Variants in RALGPS1 observed in about 807,000 individuals in gnomAD.
RALGPS1 encodes ras-specific guanine nucleotide-releasing factor RalGPS1.
In RALGPS1, 19 loss-of-function variants were observed where a neutral mutation model predicts 78.8. The ratio of observed to expected loss-of-function variants is 0.24; its 90% CI spans 0.17 to 0.35. The LOEUF (loss-of-function observed/expected upper bound fraction) is 0.35, where lower values mean the gene tolerates loss of function less well. RALGPS1 is among the 10% of genes least tolerant of loss of function. The pLI is 1.00. For missense variants in RALGPS1, 454 were observed against 688.3 expected, an observed-to-expected ratio of 0.66 and a Z score of 3.81; for synonymous variants, 228 against 256.3, an observed-to-expected ratio of 0.89 and a Z score of 1.06.
intron 8 of RALGPS1, chr9:127,092,045 G>T: frequency 7.0e-7 from 1 of 1,421,822 alleles, no homozygotes; most frequent in Non-Finnish European, 9.6e-7. Context: ...TGGGAAACAA[G>T]CAGAGCATGA....
At chr9:127,159,172 C>CA (rs887432235) in intron 8 of RALGPS1, among the ~76,000 whole-genome samples, 4 of 152,128 alleles carry the variant, frequency 2.6e-5, no homozygotes, top group African/African-American at 4.8e-5. Context: ...CTCCTCATGC[C>CA]CCTTCTTACT....
rs779062206 is a variant in RALGPS1, at chr9:127,220,050, A to T, written c.*1281A>T. ...TATCTGTCACCTTGTGTCACATTTT[A>T]AAGTGACTTTTATTTTGCACAAATA... On this transcript the variant is annotated 3_prime_UTR_variant, in exon 19 of 19. Transcript: ENST00000259351. 1 of 152,694 alleles carries T rather than the reference A, an allele frequency of 6.5e-6. No homozygotes were observed. The highest frequency in any genetic ancestry group is 1.5e-5 in the Non-Finnish European group (1 of 68,044). The allele number at this position is 152,694 out of a possible 1,614,324, so 9.5% of individuals were successfully genotyped here.
At chr9:127,040,314 T>C (rs2047184339) in intron 5 of RALGPS1, among the ~76,000 whole-genome samples, 1 of 151,990 alleles carries the variant, frequency 6.6e-6, no homozygotes, top group Non-Finnish European at 1.5e-5. Context: ...GGCAGGAGAA[T>C]CACTTGCACT....
intron 1 of RALGPS1, among the ~76,000 whole-genome samples, chr9:126,921,451 G>A (rs1317852770): frequency 6.6e-6 from 1 of 152,214 alleles, no homozygotes; most frequent in Non-Finnish European, 1.5e-5. Context: ...TCTCCCCAAG[G>A]AGAGGCATGA....
At chr9:127,195,255 C>A (rs1425657229) in intron 12 of RALGPS1, 38 bp downstream of exon 12, 8 of 1,599,956 alleles carry the variant, frequency 5.0e-6, no homozygotes, top group Middle Eastern at 1.6e-4. Context: ...GGGCTTCAGA[C>A]CGTCCTGCAC....
intron 4 of RALGPS1, among the ~76,000 whole-genome samples, chr9:127,024,424 G>A (rs576146607): frequency 2.7e-5 from 4 of 149,528 alleles, no homozygotes; most frequent in South Asian, 4.6e-4. Context: ...TCTTGTGACC[G>A]CTCACTTCCT....
chr9:127,221,467 C>T lies in RALGPS1; in HGVS notation c.*2698C>T, dbSNP rs1281993820. The stretch of plus-strand genomic sequence containing the variant: ...GCTGGTAACATTGTTGTCTCAAGAA[C>T]AACTCACCTCTCTCCCTAGGACTAA... On this transcript the variant is annotated 3_prime_UTR_variant, in exon 19 of 19. Transcript: ENST00000259351. 1.3e-5 allele frequency: 2 copies of T among 152,136 alleles called. No individual in the cohort carries two copies. Among genetic ancestry groups the T allele is most frequent in the African/African-American group, 4.8e-5 (2 of 41,422 alleles). The allele number at this position is 152,136 out of a possible 1,614,324, so 9.4% of individuals were successfully genotyped here. A position where few individuals can be genotyped will look rare whatever the true frequency, so the allele number is the denominator to read the frequency against.
intron 1 of RALGPS1, among the ~76,000 whole-genome samples, chr9:126,952,081 A>G (rs1484286168): frequency 2.0e-5 from 3 of 152,240 alleles, no homozygotes; most frequent in Admixed American, 2.0e-4. Flanking sequence ...TTCAAAGAGA[A>G]TAAAGTACTT....
rs1160349848 is a variant in RALGPS1, at chr9:127,220,629, C to T, written c.*1860C>T. 1 of 152,222 alleles carries T rather than the reference C, an allele frequency of 6.6e-6. No individual in the cohort carries two copies. 9.4% of individuals were successfully genotyped at this position (152,222 alleles called of 1,614,324 possible). On this transcript the variant is annotated 3_prime_UTR_variant, in exon 19 of 19. Coordinates refer to ENST00000259351, the MANE Select transcript of RALGPS1 (RefSeq NM_014636.3). ...AAATCAGCATCTAGAGGCTGAATGA[C>T]AATGCCAAACACTCCACCTCTGATC...
intron 7 of RALGPS1, among the ~76,000 whole-genome samples, chr9:127,059,979 A>G (rs2049062544): frequency 6.6e-6 from 1 of 152,222 alleles, no homozygotes. Context: ...AAGCTAAATT[A>G]GAAGCCAAGA....
At chr9:127,023,760 G>A (rs1016986312) in intron 4 of RALGPS1, among the ~76,000 whole-genome samples, 1 of 152,204 alleles carries the variant, frequency 6.6e-6, no homozygotes. Flanking sequence ...ACAGGGCTGG[G>A]CGCGGTGGCT....
chr9:127,210,046 G>A (rs969636062), intron 14 of RALGPS1, among the ~76,000 whole-genome samples: 5 of 152,202 alleles, frequency 3.3e-5, no homozygotes, highest in Admixed American at 6.5e-5. Flanking sequence ...GTGCCTCCCC[G>A]CGAAGAGGCT....
intron 11 of RALGPS1, among the ~76,000 whole-genome samples, chr9:127,185,804 C>T (rs2060607313): frequency 6.6e-6 from 1 of 152,156 alleles, no homozygotes; most frequent in South Asian, 2.1e-4. Context: ...AGTGTAGTAT[C>T]TCCAGCTCCT....
intron 4 of RALGPS1, among the ~76,000 whole-genome samples, chr9:127,007,072 C>T (rs895891332): frequency 1.3e-5 from 2 of 152,044 alleles, no homozygotes; most frequent in South Asian, 2.1e-4. Flanking sequence ...GGAGGGAGCT[C>T]GTAACTGTTA....
At chr9:127,121,288 A>G (rs1364446850) in intron 8 of RALGPS1, among the ~76,000 whole-genome samples, 1 of 152,226 alleles carries the variant, frequency 6.6e-6, no homozygotes, top group East Asian at 1.9e-4. Context: ...TAGAAAGGCT[A>G]AGTGTTCTGC....
At chr9:127,040,981 A>G (rs559272938) in intron 5 of RALGPS1, among the ~76,000 whole-genome samples, 86 of 150,230 alleles carry the variant, frequency 5.7e-4, no homozygotes, top group African/African-American at 2.0e-3. Context: ...CATCTCAGTT[A>G]CTTAGTTACT....
At chr9:126,999,174 AATAAT>A (rs2043056088) in intron 4 of RALGPS1, among the ~76,000 whole-genome samples, 1 of 151,912 alleles carries the variant, frequency 6.6e-6, no homozygotes, top group Admixed American at 6.6e-5. Context: ...TAATAATAAT[AATAAT>A]AATAAGTTTC....
intron 7 of RALGPS1, among the ~76,000 whole-genome samples, chr9:127,059,909 T>G (rs1390032227): frequency 1.3e-5 from 2 of 152,038 alleles, no homozygotes; most frequent in Non-Finnish European, 2.9e-5. Context: ...AGTCTCCTGC[T>G]TCAAACACAC....
chr9:127,006,856 T>G (rs1482692593), intron 4 of RALGPS1, among the ~76,000 whole-genome samples: 6 of 152,146 alleles, frequency 3.9e-5, no homozygotes, highest in African/African-American at 1.4e-4. Context: ...GTTTTCATTT[T>G]AATCTTATTG....
Sources: gnomAD v4.1 joint callset for allele counts (sites outside exome capture counted in the v4.1 genomes callset) on GRCh38, gnomAD v4.1.1 for gene constraint, MANE v1.5 for transcripts, NCBI Gene and HGNC (gene_info 2026-07-23, HGNC 2026-07-21) for gene names.